COL24A1: variants seen among roughly 807,000 people sequenced by gnomAD.
COL24A1 encodes collagen type XXIV alpha 1 chain, also known as collagen alpha-1(XXIV) chain.
A neutral mutation model predicts 253.9 loss-of-function variants in COL24A1; 224 were observed. The observed-to-expected ratio is 0.88, with a 90% CI of 0.79 to 0.99. The LOEUF (loss-of-function observed/expected upper bound fraction) is 0.99. Ranked by LOEUF, COL24A1 falls within the 50% of genes least tolerant of loss-of-function variation. COL24A1 has a pLI of 0.00. For synonymous variants in COL24A1, 685 were observed against 673.7 expected, an observed-to-expected ratio of 1.02 and a Z score of -0.26; for missense variants, 2,131 against 2,068.5, an observed-to-expected ratio of 1.03 and a Z score of -0.59.
chr1:85,885,397 A>ATT (rs1177337391), intron 32 of COL24A1, among the ~76,000 whole-genome samples: 77 of 128,910 alleles, frequency 6.0e-4, no homozygotes, highest in African/African-American at 1.4e-3. Context: ...ATATATATAT[A>ATT]TTTTTTTTTT....
intron 55 of COL24A1, among the ~76,000 whole-genome samples, chr1:85,748,201 T>C (rs1032431876): frequency 2.0e-5 from 3 of 152,200 alleles, no homozygotes; most frequent in African/African-American, 7.2e-5. Context: ...ACTTCATTCA[T>C]TTTCAAGAAA....
intron 55 of COL24A1, among the ~76,000 whole-genome samples, chr1:85,747,728 T>G (rs1665406705): frequency 6.6e-6 from 1 of 152,162 alleles, no homozygotes; most frequent in Non-Finnish European, 1.5e-5. Flanking sequence ...GTCGTGTTTT[T>G]CAAATAATTA....
At chr1:86,001,075 T>C (rs1260745803) in intron 19 of COL24A1, among the ~76,000 whole-genome samples, 1 of 152,146 alleles carries the variant, frequency 6.6e-6, no homozygotes. Context: ...AGGCAAGTGA[T>C]GTTTTATCTT....
intron 47 of COL24A1, among the ~76,000 whole-genome samples, chr1:85,798,441 T>G (rs1221796224): frequency 6.6e-6 from 1 of 152,070 alleles, no homozygotes; most frequent in African/African-American, 2.4e-5. Flanking sequence ...ATAATCAACC[T>G]CTTAATAATG....
At chr1:85,985,522 T>C (rs988465041) in intron 20 of COL24A1, among the ~76,000 whole-genome samples, 2 of 151,800 alleles carry the variant, frequency 1.3e-5, no homozygotes, top group African/African-American at 2.4e-5. Context: ...ATGAGATCTA[T>C]ACTTTAAAAG....
rs114954998 is a variant in COL24A1, at chr1:85,831,209, G to A, written c.3681+7376C>T. Among the ~76,000 whole-genome samples the A allele has an allele frequency of 5.5e-3, 833 of 152,116 alleles. 9 individuals are homozygous for A. The highest frequency in any genetic ancestry group is 0.019 in the African/African-American group (782 of 41,540). ...TTAACAGAATCTGGTCAATCAAGAC[G>A]GAGTGTGGTACAAGTAAATGTGACT... On this transcript the variant is annotated intron_variant, in intron 43 of 59. Coordinates refer to ENST00000370571, the MANE Select transcript of COL24A1 (RefSeq NM_152890.7).
chr1:86,062,964 GTC>G (rs918997209), intron 8 of COL24A1, among the ~76,000 whole-genome samples: 7 of 151,988 alleles, frequency 4.6e-5, no homozygotes, highest in African/African-American at 1.4e-4. Flanking sequence ...GGTTTCCTGA[GTC>G]TCTGTGCTGA....
intron 24 of COL24A1, 60 bp from the exon 25 acceptor site, chr1:85,911,493 G>T: frequency 7.6e-7 from 1 of 1,314,978 alleles, no homozygotes; most frequent in South Asian, 1.2e-5. Flanking sequence ...TGTAGTGCCT[G>T]GGTCTTAAAT....
rs1490702633 is a variant in COL24A1 at position 85,875,341 on chromosome 1, A to G, written c.3031-11T>C. ...AGTGCCTGGAGGTCCCTACAAGAGA[A>G]TAATTTAACACATTACAAAGGCAAT... is the stretch of plus-strand genomic sequence containing the variant. On this transcript the variant is annotated splice_polypyrimidine_tract_variant and intron_variant, in intron 33 of 59. Transcript: ENST00000370571. 6.2e-7 allele frequency: 1 copy of G among 1,610,932 alleles called. No individual in the cohort carries two copies. Among genetic ancestry groups the G allele is most frequent in the East Asian group, 2.2e-5 (1 of 44,840 alleles).
chr1:86,014,788 T>C (rs571152260), intron 19 of COL24A1, among the ~76,000 whole-genome samples: 9 of 152,284 alleles, frequency 5.9e-5, no homozygotes, highest in Non-Finnish European at 1.3e-4. Flanking sequence ...CTTTCTATTG[T>C]CACAGGACCT....
chr1:85,740,953 C>CAAAAAAAAAAAAAAAAAAAA (rs774839476), intron 57 of COL24A1, among the ~76,000 whole-genome samples: 3 of 83,014 alleles, frequency 3.6e-5, no homozygotes, highest in Non-Finnish European at 4.5e-5. Flanking sequence ...TCTAAAAATA[C>CAAAAAAAAAAAAAAAAAAAA]AAAAAAAAAA....
chr1:86,134,346 C>T (rs1187182725), intron 2 of COL24A1, among the ~76,000 whole-genome samples: 1 of 151,784 alleles, frequency 6.6e-6, no homozygotes, highest in African/African-American at 2.4e-5. Flanking sequence ...GTCTCCATTT[C>T]CTTCAGTTCT....
chr1:86,143,865 T>C (rs1486891506), intron 2 of COL24A1, among the ~76,000 whole-genome samples: 5 of 152,114 alleles, frequency 3.3e-5, no homozygotes, highest in African/African-American at 7.2e-5. Flanking sequence ...CTGATAAGTC[T>C]AACTTAGGAT....
intron 37 of COL24A1, among the ~76,000 whole-genome samples, chr1:85,852,022 G>C (rs1677823000): frequency 6.6e-6 from 1 of 152,086 alleles, no homozygotes; most frequent in African/African-American, 2.4e-5. Context: ...TATCTTAAAT[G>C]TTCTCCCAAG....
At position 85,959,378 on chromosome 1, in the gene COL24A1, T is replaced by C. The variant is rs139469672; in HGVS notation, c.2562+1871A>G. On this transcript the variant is annotated intron_variant, in intron 24 of 59. Coordinates refer to ENST00000370571, the MANE Select transcript of COL24A1 (RefSeq NM_152890.7). Reference sequence around the variant, plus strand: ...TTTGTCTAATAACTTATCAGATGCTTAAAGACTCTCTACAACATTTATATG... The same window carrying C: ...TTTGTCTAATAACTTATCAGATGCTCAAAGACTCTCTACAACATTTATATG... 2.4e-4 allele frequency among the ~76,000 whole-genome samples: 36 copies of C among 152,198 alleles called. 1 individual carries two copies. The East Asian group carries it at 6.9e-3, about 29-fold the overall frequency.
rs756952865 is a variant in COL24A1 at position 85,868,847 on chromosome 1, C to G, written c.3139-12G>C. The G allele has an allele frequency of 1.9e-6, 3 of 1,572,346 alleles. No individual in the cohort carries two copies. In the East Asian group the frequency reaches 6.8e-5, roughly 36 times the overall value. On this transcript the variant is annotated splice_polypyrimidine_tract_variant and intron_variant, in intron 35 of 59. Transcript: ENST00000370571. ...GCTCCTGGTTCACCCTATTTTGTAGCAGAAAGAGTATGATTGAGTTTTTTT... is the reference window on the plus strand; with the variant it reads ...GCTCCTGGTTCACCCTATTTTGTAGGAGAAAGAGTATGATTGAGTTTTTTT...
chr1:85,905,402 T>C (rs1000369002), intron 28 of COL24A1, among the ~76,000 whole-genome samples: 2 of 152,076 alleles, frequency 1.3e-5, no homozygotes, highest in Admixed American at 6.6e-5. Context: ...AATATATCAG[T>C]GGCTACCAGA....
chr1:85,951,527 T>C (rs888280535), intron 24 of COL24A1, among the ~76,000 whole-genome samples: 8 of 152,112 alleles, frequency 5.3e-5, no homozygotes, highest in Admixed American at 4.6e-4. Flanking sequence ...GGCCAGATCA[T>C]AGGGAGTAAG....
At chr1:85,995,608 A>G (rs1481853932) in intron 19 of COL24A1, among the ~76,000 whole-genome samples, 1 of 152,190 alleles carries the variant, frequency 6.6e-6, no homozygotes, top group Non-Finnish European at 1.5e-5. Context: ...GAGGCAGAAA[A>G]GAAGGATTAC....
Sources: gnomAD v4.1 joint callset for allele counts (sites outside exome capture counted in the v4.1 genomes callset) on GRCh38, gnomAD v4.1.1 for gene constraint, MANE v1.5 for transcripts, NCBI Gene and HGNC (gene_info 2026-07-23, HGNC 2026-07-21) for gene names.